The following CDH13 variants were observed in gnomAD, a reference collection of about 807,000 sequenced individuals.
CDH13 encodes the protein cadherin 13.
Under a neutral mutation model 63.8 loss-of-function variants are expected in CDH13, and 24 were observed. The ratio of observed to expected loss-of-function variants is 0.38; its 90% CI spans 0.27 to 0.53. The LOEUF (loss-of-function observed/expected upper bound fraction) is 0.53, where lower values mean the gene tolerates loss of function less well. Among genes scored for constraint, CDH13 ranks in the 20% least tolerant of loss-of-function variants. The probability of loss-of-function intolerance (pLI) is 0.85; values close to 1 mark genes in which losing one functional copy is unlikely to be tolerated. For missense variants in CDH13, 1,049 were observed against 903.1 expected (o/e 1.16, Z -2.07); for synonymous variants, 503 against 355.3 (o/e 1.42, Z -4.67).
chr16:83,789,350 TG>T (rs768022238), intron 13 of CDH13, among the ~76,000 whole-genome samples: 5,113 of 143,640 alleles, frequency 0.036, 138 homozygotes, highest in Non-Finnish European at 0.039. Flanking sequence ...TTTTTTTGTT[TG>T]TCTGTTTTGT....
chr16:83,088,220 A>C (rs534748803), intron 3 of CDH13, among the ~76,000 whole-genome samples: 2 of 152,156 alleles, frequency 1.3e-5, no homozygotes, highest in East Asian at 1.9e-4. Flanking sequence ...TGCAGATTCA[A>C]CTCTGACATG....
chr16:83,361,709 T>C (rs756288770), intron 6 of CDH13, among the ~76,000 whole-genome samples: 4 of 152,200 alleles, frequency 2.6e-5, no homozygotes. Flanking sequence ...CTTATTTGTA[T>C]CGGCTTTGTG....
intron 4 of CDH13, among the ~76,000 whole-genome samples, chr16:83,143,715 CT>C (rs1436629321): frequency 6.6e-6 from 1 of 152,148 alleles, no homozygotes; most frequent in Non-Finnish European, 1.5e-5. Context: ...GTGCTTCGTT[CT>C]GCTCTTCTAT....
intron 3 of CDH13, among the ~76,000 whole-genome samples, chr16:83,125,076 A>G (rs943174068): frequency 1.3e-5 from 2 of 152,224 alleles, no homozygotes; most frequent in African/African-American, 4.8e-5. Context: ...TGAGTAATCC[A>G]GTAGCTTGGC....
intron 1 of CDH13, among the ~76,000 whole-genome samples, chr16:82,667,861 C>A (rs1464500837): frequency 3.9e-5 from 6 of 152,156 alleles, no homozygotes; most frequent in Admixed American, 2.6e-4. Context: ...CCTTTTCAAT[C>A]TTCTCATGCT....
intron 2 of CDH13, among the ~76,000 whole-genome samples, chr16:82,874,084 G>A (rs778963516): frequency 2.6e-5 from 4 of 152,002 alleles, no homozygotes; most frequent in Admixed American, 6.6e-5. Flanking sequence ...TTCTACGAGC[G>A]GGGTCTCGGG....
intron 5 of CDH13, among the ~76,000 whole-genome samples, chr16:83,223,248 C>T (rs2039749970): frequency 6.6e-6 from 1 of 152,200 alleles, no homozygotes; most frequent in Admixed American, 6.5e-5. Context: ...TCTCTTCTTG[C>T]AATATGGTGC....
At chr16:83,443,720 AAAAAAAAAAAAAAAAATATATATAT>A (rs1256679515) in intron 6 of CDH13, among the ~76,000 whole-genome samples, 7 of 92,288 alleles carry the variant, frequency 7.6e-5, no homozygotes, top group African/African-American at 3.0e-4. Context: ...AAAAAAAAAA[AAAAAAAAAAAAAAAAATATATATAT>A]ATATATATAT....
At chr16:82,808,564 C>G (rs74029055) in intron 1 of CDH13, among the ~76,000 whole-genome samples, 1,925 of 152,206 alleles carry the variant, frequency 0.013, 40 homozygotes, top group African/African-American at 0.045. Flanking sequence ...AGGACATCAC[C>G]AAGAAGAAGG....
chr16:82,945,373 G>A (rs1904591929), intron 2 of CDH13, among the ~76,000 whole-genome samples: 1 of 150,910 alleles, frequency 6.6e-6, no homozygotes, highest in Non-Finnish European at 1.5e-5. Flanking sequence ...CTCAGTGTAG[G>A]TCTTCAGAAA....
At chr16:83,406,475 C>G (rs1476272932) in intron 6 of CDH13, among the ~76,000 whole-genome samples, 1 of 146,728 alleles carries the variant, frequency 6.8e-6, no homozygotes, top group African/African-American at 2.5e-5. Flanking sequence ...CTCTCTCTTT[C>G]TTTCTTTCAG....
chr16:82,894,805 G>A (rs2041198483), intron 2 of CDH13, among the ~76,000 whole-genome samples: 1 of 152,222 alleles, frequency 6.6e-6, no homozygotes, highest in Non-Finnish European at 1.5e-5. Flanking sequence ...GAAATAAAAT[G>A]AGAGGCAAGT....
At chr16:83,451,958 C>T (rs557931906) in intron 6 of CDH13, among the ~76,000 whole-genome samples, 2 of 152,252 alleles carry the variant, frequency 1.3e-5, no homozygotes, top group African/African-American at 4.8e-5. Context: ...AGGGATTTTG[C>T]TCTTCTGTTT....
chr16:83,382,407 G>A (rs1020777357), intron 6 of CDH13, among the ~76,000 whole-genome samples: 11 of 152,100 alleles, frequency 7.2e-5, no homozygotes, highest in Admixed American at 5.9e-4. Context: ...AAAGTTGCAC[G>A]AACAGAACAA....
intron 1 of CDH13, among the ~76,000 whole-genome samples, chr16:82,850,628 C>T (rs984109802): frequency 6.6e-6 from 1 of 152,138 alleles, no homozygotes; most frequent in Non-Finnish European, 1.5e-5. Flanking sequence ...TTAGATGCTA[C>T]CAAATAGCAT....
At chr16:83,171,023 G>T (rs1380798126) in intron 4 of CDH13, among the ~76,000 whole-genome samples, 1 of 151,988 alleles carries the variant, frequency 6.6e-6, no homozygotes, top group African/African-American at 2.4e-5. Context: ...GCTGTATTAG[G>T]CCATTCTCAC....
chr16:83,646,186 C>A (rs1911774566), intron 8 of CDH13, among the ~76,000 whole-genome samples: 1 of 152,152 alleles, frequency 6.6e-6, no homozygotes, highest in Non-Finnish European at 1.5e-5. Context: ...CCCATCTCTC[C>A]ACTCCCTAAC....
At chr16:82,893,468 G>A (rs1028531625) in intron 2 of CDH13, among the ~76,000 whole-genome samples, 1 of 152,210 alleles carries the variant, frequency 6.6e-6, no homozygotes, top group African/African-American at 2.4e-5. Flanking sequence ...TAATCTACAA[G>A]TGTGATCAGT....
intron 2 of CDH13, among the ~76,000 whole-genome samples, chr16:82,949,864 A>G (rs1905111187): frequency 6.6e-6 from 1 of 152,110 alleles, no homozygotes; most frequent in Admixed American, 6.6e-5. Flanking sequence ...AAAAGCCAGG[A>G]TCCTGAGTTC....
Sources: gnomAD v4.1 joint callset for allele counts (sites outside exome capture counted in the v4.1 genomes callset) on GRCh38, gnomAD v4.1.1 for gene constraint, MANE v1.5 for transcripts, NCBI Gene and HGNC (gene_info 2026-07-23, HGNC 2026-07-21) for gene names.